Variants in ALG9 observed in about 807,000 individuals in gnomAD.
ALG9 encodes the protein alpha-1,2-mannosyltransferase ALG9.
ALG9 carries 55 observed loss-of-function variants against 81.8 expected under a neutral mutation model. The observed-to-expected ratio is 0.67, with a 90% CI of 0.54 to 0.84. The LOEUF (loss-of-function observed/expected upper bound fraction) is 0.84. Among genes scored for constraint, ALG9 ranks in the 40% least tolerant of loss-of-function variants. ALG9 has a pLI of 0.00. For missense variants in ALG9, 629 were observed against 745.0 expected, an observed-to-expected ratio of 0.84 and a Z score of 1.81; for synonymous variants, 278 against 274.3, an observed-to-expected ratio of 1.01 and a Z score of -0.13.
intron 13 of ALG9, among the ~76,000 whole-genome samples, chr11:111,825,770 G>A (rs990628842): frequency 9.9e-5 from 15 of 152,024 alleles, no homozygotes; most frequent in Non-Finnish European, 1.5e-4. Context: ...ATATACAGCC[G>A]GGCGCGGTGG....
At chr11:111,787,761 A>C (rs1946696535) in intron 14 of ALG9, among the ~76,000 whole-genome samples, 1 of 152,048 alleles carries the variant, frequency 6.6e-6, no homozygotes, top group South Asian at 2.1e-4. Context: ...CCTGGCAAAA[A>C]ATAAATTAAA....
At chr11:111,834,526 C>T (rs1555115805) in intron 13 of ALG9, among the ~76,000 whole-genome samples, 1 of 152,128 alleles carries the variant, frequency 6.6e-6, no homozygotes, top group East Asian at 1.9e-4. Context: ...AAAGTAGGTG[C>T]CATTTTACAG....
intron 13 of ALG9, among the ~76,000 whole-genome samples, chr11:111,821,457 C>G (rs1226465544): frequency 6.6e-6 from 1 of 152,122 alleles, no homozygotes; most frequent in Non-Finnish European, 1.5e-5. Context: ...GAGTCAAGCT[C>G]GACAGGGTCT....
intron 13 of ALG9, among the ~76,000 whole-genome samples, chr11:111,834,278 T>A (rs1279626181): frequency 6.6e-6 from 1 of 152,150 alleles, no homozygotes; most frequent in African/African-American, 2.4e-5. Context: ...ACAAGGGTAG[T>A]TCAGGCATAG....
intron 14 of ALG9, among the ~76,000 whole-genome samples, chr11:111,805,562 C>T (rs1555084344): frequency 1.3e-5 from 2 of 152,152 alleles, no homozygotes; most frequent in Admixed American, 1.3e-4. Context: ...ATATGAAAAG[C>T]CTATATGCTG....
At chr11:111,853,848 G>A in intron 6 of ALG9, 112 bp from the exon 7 acceptor site, 1 of 972,420 alleles carries the variant, frequency 1.0e-6, no homozygotes, top group Non-Finnish European at 1.7e-6. Context: ...CAGTTATAGT[G>A]AGGGAAGAAA....
intron 13 of ALG9, among the ~76,000 whole-genome samples, chr11:111,828,681 G>A (rs377589912): frequency 1.5e-3 from 232 of 152,254 alleles, no homozygotes; most frequent in Non-Finnish European, 2.3e-3. Flanking sequence ...AGAGAAACTC[G>A]AGGTCAACTG....
In ALG9 at chr11:111,853,658, T is replaced by C; in HGVS notation, c.780A>G (p.Ile260Met). ...SFFHWSLMALILFLVPVVVID... is the reference protein window; with the variant it reads ...SFFHWSLMALMLFLVPVVVID... ...AAAAAAGAAAACTCACCAGAAATAGTATGAGGGCCATCAGCGACCAATGAA... is the reference window on the plus strand; with the variant it reads ...AAAAAAGAAAACTCACCAGAAATAGCATGAGGGCCATCAGCGACCAATGAA... Residue 260 changes from isoleucine (I) to methionine (M), a missense_variant, in exon 7 of 15, where the codon ATA becomes ATG. Coordinates refer to ENST00000616540, the MANE Select transcript of ALG9 (RefSeq NM_024740.2). The C allele has an allele frequency of 6.2e-7, 1 of 1,614,066 alleles. No individual in the cohort carries two copies. The highest frequency in any genetic ancestry group is 8.5e-7 in the Non-Finnish European group (1 of 1,179,938).
At position 111,820,746 on chromosome 11, in the gene ALG9, GT is replaced by G. The variant is rs532054701; in HGVS notation, c.1603-10974del. ...TCTGCATGTAAAGAAGTTCTAAGAT[GT>G]TTTTTGACTCCATTTTAGCCACAAC... is the stretch of plus-strand genomic sequence containing the variant. On this transcript the variant is annotated intron_variant, in intron 13 of 14. Transcript: ENST00000616540. 1.1e-4 allele frequency among the ~76,000 whole-genome samples: 16 copies of G among 152,260 alleles called. No homozygotes were observed. The South Asian group carries it at 3.3e-3, about 32-fold the overall frequency.
chr11:111,840,775 C>T lies in ALG9; in HGVS notation c.1053G>A (p.Leu351=). Residue 351 remains leucine, a synonymous_variant, in exon 10 of 15, where the codon TTG becomes TTA. Coordinates refer to ENST00000616540, the MANE Select transcript of ALG9 (RefSeq NM_024740.2). ...TTATAAACCAAATATACATTGGAGCCAAGGTAAGCCAATACGGGTGGCCTA... is the reference window on the plus strand; with the variant it reads ...TTATAAACCAAATATACATTGGAGCTAAGGTAAGCCAATACGGGTGGCCTA... ...QNLGHPYWLT[L]APMYIWFIIF... is the part of the protein sequence containing the mutation. The T allele has an allele frequency of 1.2e-6, 2 of 1,613,956 alleles. No individual in the cohort carries two copies. Among genetic ancestry groups the T allele is most frequent in the Non-Finnish European group, 1.7e-6 (2 of 1,179,976 alleles).
At chr11:111,770,696 T>C in the ALG9 span, among the ~76,000 whole-genome samples, 1 of 152,080 alleles carries the variant, frequency 6.6e-6, no homozygotes, top group Non-Finnish European at 1.5e-5. Flanking sequence ...AGACCCTGTC[T>C]CTAAAAAATA....
At chr11:111,812,915 C>CAAAAAAAAAAAAAA (rs57311061) in intron 13 of ALG9, among the ~76,000 whole-genome samples, 4 of 98,766 alleles carry the variant, frequency 4.0e-5, no homozygotes, top group Admixed American at 1.1e-4. Context: ...GACTCTGTCT[C>CAAAAAAAAAAAAAA]AAAAAAAAAA....
At chr11:111,805,836 C>T (rs1286569404) in intron 14 of ALG9, among the ~76,000 whole-genome samples, 1 of 152,066 alleles carries the variant, frequency 6.6e-6, no homozygotes, top group African/African-American at 2.4e-5. Flanking sequence ...TCATCCATTG[C>T]TTTTTTGTTG....
intron 13 of ALG9, among the ~76,000 whole-genome samples, chr11:111,816,154 T>C (rs955012620): frequency 1.3e-5 from 2 of 152,226 alleles, no homozygotes; most frequent in Non-Finnish European, 2.9e-5. Flanking sequence ...ATTGAATTTG[T>C]TGAATGTATT....
At chr11:111,798,801 G>T (rs543892869) in intron 14 of ALG9, among the ~76,000 whole-genome samples, 4 of 152,174 alleles carry the variant, frequency 2.6e-5, no homozygotes, top group African/African-American at 4.8e-5. Flanking sequence ...GCAGGGACTA[G>T]AACGTGTTGA....
chr11:111,849,357 GTTTC>G (rs1186161550), intron 8 of ALG9: 2 of 152,058 alleles, frequency 1.3e-5, no homozygotes, highest in Non-Finnish European at 2.9e-5. Flanking sequence ...GACCTTCAAT[GTTTC>G]TTTAACTGAA....
chr11:111,861,573 T>C (rs1555148002), intron 4 of ALG9, among the ~76,000 whole-genome samples: 1 of 152,104 alleles, frequency 6.6e-6, no homozygotes, highest in Non-Finnish European at 1.5e-5. Flanking sequence ...CAGTGTTCAA[T>C]GGAACCTCCT....
chr11:111,833,135 T>G (rs1954670276), intron 13 of ALG9, among the ~76,000 whole-genome samples: 1 of 152,318 alleles, frequency 6.6e-6, no homozygotes, highest in Middle Eastern at 3.4e-3. Context: ...GAAGAGCTGT[T>G]TTTTCCTCCA....
At chr11:111,772,077 G>A in the ALG9 span, among the ~76,000 whole-genome samples, 1 of 152,164 alleles carries the variant, frequency 6.6e-6, no homozygotes, top group Non-Finnish European at 1.5e-5. Context: ...CAAAGGTATT[G>A]GATTTCCAAG....
Sources: allele counts gnomAD v4.1 joint callset (sites outside exome capture counted in the v4.1 genomes callset), GRCh38; gene constraint gnomAD v4.1.1; transcripts MANE v1.5; gene names NCBI Gene and HGNC (gene_info 2026-07-23, HGNC 2026-07-21).